MIOS: variants seen among roughly 807,000 people sequenced by gnomAD.
MIOS encodes meiosis regulator for oocyte development, also known as GATOR2 complex protein MIOS.
A neutral mutation model predicts 96.9 loss-of-function variants in MIOS; 52 were observed. That is an observed-to-expected ratio of 0.54 (90% CI 0.43 to 0.68). MIOS has a LOEUF of 0.68. Ranked by LOEUF, MIOS falls within the 30% of genes least tolerant of loss-of-function variation. The pLI is 0.00. For missense variants in MIOS, 1,005 were observed against 1,052.8 expected (o/e 0.95, Z 0.63); for synonymous variants, 397 against 359.5 (o/e 1.10, Z -1.18).
At chr7:7,570,018 G>T (rs866467384) in intron 3 of MIOS, among the ~76,000 whole-genome samples, 1 of 138,542 alleles carries the variant, frequency 7.2e-6, no homozygotes, top group South Asian at 2.4e-4. Flanking sequence ...CCATTAGAGG[G>T]TTTTAAGCAA....
chr7:7,576,042 A>C (rs975735518), intron 5 of MIOS, among the ~76,000 whole-genome samples: 25 of 152,194 alleles, frequency 1.6e-4, no homozygotes, highest in African/African-American at 5.8e-4. Flanking sequence ...ATGGTAAGTC[A>C]ACACATTGAG....
rs755446215 is a variant in MIOS at position 7,574,215 on chromosome 7, A to G, written c.1393+19A>G. 2.0e-6 allele frequency: 3 copies of G among 1,533,588 alleles called. No homozygotes were observed. The highest frequency in any genetic ancestry group is 2.7e-6 in the Non-Finnish European group (3 of 1,117,068). 95.0% of individuals were successfully genotyped at this position (1,533,588 alleles called of 1,614,324 possible). On this transcript the variant is annotated intron_variant, in intron 5 of 12. Transcript: ENST00000340080. ...TCGTTGGGTAAGAAAATTCTATTTC[A>G]TTTTCTCCAATATGTTTATAACTTT...
chr7:7,577,253 C>T (rs1023061615), intron 5 of MIOS, among the ~76,000 whole-genome samples: 10 of 152,034 alleles, frequency 6.6e-5, no homozygotes, highest in African/African-American at 2.2e-4. Flanking sequence ...GTCAGTTGTC[C>T]GGTGCTCCAT....
intron 11 of MIOS, among the ~76,000 whole-genome samples, chr7:7,601,964 A>C (rs10952064): frequency 0.78 from 118,416 of 151,796 alleles, 47,194 homozygotes; most frequent in East Asian, 0.93. Context: ...AGAACCAAAG[A>C]CAAAAACCAC....
In MIOS at chr7:7,607,050, T is replaced by C. The variant is rs757878733; in HGVS notation, c.2586T>C (p.Asp862=). 7.7e-5 allele frequency: 124 copies of C among 1,613,104 alleles called. No individual in the cohort carries two copies. The Admixed American group carries it at 1.3e-3, about 16-fold the overall frequency. ...SACTCKCMQL[D]TTGNLVPAET... Reference sequence around the variant, plus strand: ...GCACGTGTAAATGTATGCAGTTGGATACAACAGGGAATCTGGTACCTGCAG... The same window carrying C: ...GCACGTGTAAATGTATGCAGTTGGACACAACAGGGAATCTGGTACCTGCAG... Residue 862 remains aspartate, a synonymous_variant, in exon 13 of 13, where the codon GAT becomes GAC. Transcript: ENST00000340080.
intron 7 of MIOS, among the ~76,000 whole-genome samples, chr7:7,587,764 A>G (rs1477470582): frequency 1.3e-5 from 2 of 152,218 alleles, no homozygotes; most frequent in African/African-American, 4.8e-5. Context: ...AAGTGATCTT[A>G]CGGTTAAAAA....
chr7:7,602,288 CTGTT>C (rs1784402676), intron 11 of MIOS, among the ~76,000 whole-genome samples: 1 of 152,168 alleles, frequency 6.6e-6, no homozygotes, highest in African/African-American at 2.4e-5. Flanking sequence ...CAAATTGTCC[CTGTT>C]TGCAGATGAC....
intron 9 of MIOS, 42 bp from the exon 10 acceptor site, chr7:7,594,938 G>C: frequency 6.6e-7 from 1 of 1,513,652 alleles, no homozygotes. Context: ...GGCCTAGCCA[G>C]GAGATTTTAA....
At chr7:7,599,935 C>T (rs1467101482) in intron 11 of MIOS, among the ~76,000 whole-genome samples, 1 of 152,014 alleles carries the variant, frequency 6.6e-6, no homozygotes, top group Non-Finnish European at 1.5e-5. Flanking sequence ...GAACAGAAAA[C>T]CAAATACCAC....
intron 11 of MIOS, among the ~76,000 whole-genome samples, chr7:7,601,414 C>T (rs1248702010): frequency 6.6e-6 from 1 of 152,058 alleles, no homozygotes; most frequent in Non-Finnish European, 1.5e-5. Flanking sequence ...CACAGAAATA[C>T]AAACTACCAT....
Position 7,574,211 on chromosome 7 carries a change from T to C in MIOS, c.1393+15T>C. On this transcript the variant is annotated intron_variant, in intron 5 of 12. Transcript: ENST00000340080. The stretch of plus-strand genomic sequence containing the variant: ...GTCATCGTTGGGTAAGAAAATTCTA[T>C]TTCATTTTCTCCAATATGTTTATAA... 2 of 1,555,164 alleles carry C rather than the reference T, an allele frequency of 1.3e-6. No individual in the cohort carries two copies. Among genetic ancestry groups the C allele is most frequent in the Non-Finnish European group, 1.8e-6 (2 of 1,135,752 alleles).
rs1449896548 is a variant in MIOS, at chr7:7,573,524, T to A, written c.1049T>A (p.Phe350Tyr). ...ACTCCCAACCGAACAATGTCAGACT[T>A]CACTGTTTTTGAAAGGATATCTCTT... is the stretch of plus-strand genomic sequence containing the variant. ...VVTPNRTMSD[F>Y]TVFERISLAW... The change falls in exon 4 of 13, where the codon TTC (phenylalanine) becomes TAC (tyrosine). Residue 350 changes from phenylalanine to tyrosine, a missense_variant. Phe to Tyr is a conservative substitution (Grantham distance 22, BLOSUM62 3). Coordinates refer to ENST00000340080, the MANE Select transcript of MIOS (RefSeq NM_019005.4). This position sits in a 1 kb window ranked among gnomAD's most constrained non-coding sequence, Gnocchi z 5.0. 1.2e-6 allele frequency: 2 copies of A among 1,614,138 alleles called. No individual in the cohort carries two copies. The highest frequency in any genetic ancestry group is 1.7e-6 in the Non-Finnish European group (2 of 1,179,966).
intron 7 of MIOS, among the ~76,000 whole-genome samples, chr7:7,586,988 CT>C (rs71988879): frequency 0.075 from 9,206 of 122,990 alleles, 759 homozygotes; most frequent in African/African-American, 0.21. Flanking sequence ...TTTTCTTTCC[CT>C]TTTTTTTTTT....
rs746279396 is a variant in MIOS at position 7,572,532 on chromosome 7, T to G, written c.57T>G (p.Val19=). 2 of 1,614,110 alleles carry G rather than the reference T, an allele frequency of 1.2e-6. No individual in the cohort carries two copies. The highest frequency in any genetic ancestry group is 1.7e-6 in the Non-Finnish European group (2 of 1,179,988). ...LWAPHHVDRF[V]VCDSELSLYH... ...CACCACACCATGTTGATAGATTTGTTGTGTGTGACTCAGAACTAAGTCTTT... is the reference window on the plus strand; with the variant it reads ...CACCACACCATGTTGATAGATTTGTGGTGTGTGACTCAGAACTAAGTCTTT... Residue 19 remains valine, a synonymous_variant, in exon 4 of 13, where the codon GTT becomes GTG. Transcript: ENST00000340080. This position sits in a 1 kb window ranked among gnomAD's most constrained non-coding sequence, Gnocchi z 4.8.
intron 5 of MIOS, among the ~76,000 whole-genome samples, chr7:7,582,452 A>G (rs1783761312): frequency 6.6e-6 from 1 of 152,236 alleles, no homozygotes; most frequent in Admixed American, 6.5e-5. Flanking sequence ...TGATTGCAGT[A>G]TAAATAATGC....
Position 7,601,145 on chromosome 7 carries a change from A to G in MIOS, c.2401+4684A>G, listed in dbSNP as rs567167434. ...GATCTAAAATTGACACCCTAACATC[A>G]CAATTGAAAGAACTAGAGAAGCAAG... On this transcript the variant is annotated intron_variant, in intron 11 of 12. Coordinates refer to ENST00000340080, the MANE Select transcript of MIOS (RefSeq NM_019005.4). Among the ~76,000 whole-genome samples the G allele has an allele frequency of 3.9e-5, 6 of 152,326 alleles. No homozygotes were observed. In the South Asian group the frequency reaches 1.2e-3, roughly 32 times the overall value.
chr7:7,602,819 A>G (rs1432628922), intron 11 of MIOS, among the ~76,000 whole-genome samples: 5 of 152,128 alleles, frequency 3.3e-5, no homozygotes, highest in Admixed American at 6.5e-5. Context: ...ACTTCAAACT[A>G]TACTACAAGG....
rs1226673966 is a variant in MIOS at position 7,585,658 on chromosome 7, A to G, written c.1671A>G (p.Val557=). 7.5e-6 allele frequency: 12 copies of G among 1,591,092 alleles called. No homozygotes were observed. Among genetic ancestry groups the G allele is most frequent in the Non-Finnish European group, 1.0e-5 (12 of 1,170,236 alleles). The change falls in exon 7 of 13, where the codon GTA becomes GTG. Residue 557 remains valine, a synonymous_variant. Transcript: ENST00000340080. ...SEKGDLNLNV[V]AMALSGYTDE... ...CAGGAGATCTGAATCTCAATGTGGTAGCAATGGCTTTATCGGGTTATACGG... is the reference window on the plus strand; with the variant it reads ...CAGGAGATCTGAATCTCAATGTGGTGGCAATGGCTTTATCGGGTTATACGG...
rs191763969 is a variant in MIOS, at chr7:7,568,410, T to A, written c.-41+287T>A. Among the ~76,000 whole-genome samples the A allele has an allele frequency of 2.0e-3, 304 of 152,290 alleles. 2 individuals carry two copies. Among genetic ancestry groups the A allele is most frequent in the South Asian group, 0.012 (57 of 4,820 alleles). ...CTGTAGGATTTCTGACTCTAGATTG[T>A]TTTCTTTACACCAGATTCTTGGTGA... On this transcript the variant is annotated intron_variant, in intron 3 of 12. Transcript: ENST00000340080.
Sources: gnomAD v4.1 joint callset for allele counts (sites outside exome capture counted in the v4.1 genomes callset) on GRCh38, gnomAD v4.1.1 for gene constraint, Gnocchi (gnomAD v3.1) non-coding constraint, MANE v1.5 for transcripts, NCBI Gene and HGNC (gene_info 2026-07-23, HGNC 2026-07-21) for gene names.